Variants in TSPAN18 observed in about 807,000 individuals in gnomAD.
TSPAN18 encodes tetraspanin-18.
Under a neutral mutation model 27.3 loss-of-function variants are expected in TSPAN18, and 14 were observed. The ratio of observed to expected loss-of-function variants is 0.51; its 90% CI spans 0.34 to 0.80. The LOEUF is 0.80. Ranked by LOEUF, TSPAN18 falls within the 30% of genes least tolerant of loss-of-function variation. TSPAN18 has a pLI of 0.01. For synonymous variants in TSPAN18, 143 were observed against 136.5 expected (o/e 1.05, Z -0.33); for missense variants, 268 against 323.9 (o/e 0.83, Z 1.32).
intron 1 of TSPAN18, among the ~76,000 whole-genome samples, chr11:44,754,576 A>G (rs913581865): frequency 6.6e-6 from 1 of 152,202 alleles, no homozygotes; most frequent in South Asian, 2.1e-4. Flanking sequence ...TCTTTGCTCA[A>G]ACAGCCCAAT....
At chr11:44,751,512 C>A (rs1434322295) in intron 1 of TSPAN18, among the ~76,000 whole-genome samples, 2 of 152,122 alleles carry the variant, frequency 1.3e-5, no homozygotes. Context: ...TAGGAAGTGC[C>A]TGATGGAGTC....
chr11:44,894,893 C>T (rs1858988105), intron 3 of TSPAN18, among the ~76,000 whole-genome samples: 1 of 152,190 alleles, frequency 6.6e-6, no homozygotes, highest in African/African-American at 2.4e-5. Context: ...GGATAGGTGT[C>T]GTATCAGGAG....
At chr11:44,833,937 G>C (rs896117740) in intron 2 of TSPAN18, among the ~76,000 whole-genome samples, 5 of 151,748 alleles carry the variant, frequency 3.3e-5, no homozygotes, top group Admixed American at 6.6e-5. Flanking sequence ...TGCCCAAAGA[G>C]AGCCTGCTGG....
At chr11:44,813,334 C>T (rs541544219) in intron 2 of TSPAN18, among the ~76,000 whole-genome samples, 2 of 152,278 alleles carry the variant, frequency 1.3e-5, no homozygotes, top group South Asian at 2.1e-4. Context: ...TGTGTGATCA[C>T]GGCAAGTCAG....
chr11:44,852,937 C>T (rs893300224), intron 2 of TSPAN18, among the ~76,000 whole-genome samples: 6 of 152,200 alleles, frequency 3.9e-5, no homozygotes, highest in Non-Finnish European at 7.3e-5. Flanking sequence ...AAGGCACAGA[C>T]GCATCTAATA....
intron 2 of TSPAN18, among the ~76,000 whole-genome samples, chr11:44,848,528 TTC>T (rs978404279): frequency 6.6e-6 from 1 of 152,154 alleles, no homozygotes; most frequent in African/African-American, 2.4e-5. Flanking sequence ...AAAATTCCCA[TTC>T]TCTGCCTGTT....
chr11:44,815,032 G>T (rs1856792909), intron 2 of TSPAN18, among the ~76,000 whole-genome samples: 1 of 152,154 alleles, frequency 6.6e-6, no homozygotes, highest in South Asian at 2.1e-4. Flanking sequence ...AGAGGAAATG[G>T]CAAGATAGAA....
At chr11:44,781,858 C>T (rs1464750038) in intron 2 of TSPAN18, among the ~76,000 whole-genome samples, 2 of 152,134 alleles carry the variant, frequency 1.3e-5, no homozygotes, top group East Asian at 3.9e-4. Flanking sequence ...TCTGTTCCTT[C>T]CCCAGAGGCA....
intron 2 of TSPAN18, among the ~76,000 whole-genome samples, chr11:44,805,900 G>A (rs898038081): frequency 6.6e-6 from 1 of 152,016 alleles, no homozygotes; most frequent in Non-Finnish European, 1.5e-5. Flanking sequence ...CTCTTAAAAA[G>A]ACACAGTCAT....
intron 5 of TSPAN18, among the ~76,000 whole-genome samples, chr11:44,916,175 G>A (rs923938969): frequency 2.6e-5 from 4 of 152,178 alleles, no homozygotes; most frequent in African/African-American, 4.8e-5. Context: ...TACTCCTCCC[G>A]AGGCGCTCAC....
At chr11:44,862,118 T>G (rs1163704156) in intron 3 of TSPAN18, among the ~76,000 whole-genome samples, 1 of 152,042 alleles carries the variant, frequency 6.6e-6, no homozygotes, top group African/African-American at 2.4e-5. Flanking sequence ...CAGCCTTGCT[T>G]ATCTGAAGCC....
At chr11:44,778,960 C>A (rs981169563) in intron 2 of TSPAN18, among the ~76,000 whole-genome samples, 1 of 152,126 alleles carries the variant, frequency 6.6e-6, no homozygotes, top group African/African-American at 2.4e-5. Context: ...CACCGGGCAT[C>A]CTCCCAGGAT....
intron 2 of TSPAN18, among the ~76,000 whole-genome samples, chr11:44,820,277 T>C (rs1315199034): frequency 1.3e-5 from 2 of 152,234 alleles, no homozygotes; most frequent in Non-Finnish European, 2.9e-5. Context: ...AGCCTCCCTA[T>C]GCAAACCTGA....
chr11:44,869,489 G>C (rs980990938), intron 3 of TSPAN18, among the ~76,000 whole-genome samples: 1 of 152,230 alleles, frequency 6.6e-6, no homozygotes, highest in Non-Finnish European at 1.5e-5. Flanking sequence ...TCTCTCCACA[G>C]TGCATAGAAG....
At chr11:44,746,334 T>C (rs1370976940) in intron 1 of TSPAN18, among the ~76,000 whole-genome samples, 1 of 152,188 alleles carries the variant, frequency 6.6e-6, no homozygotes, top group Non-Finnish European at 1.5e-5. Context: ...AGACGTCTCC[T>C]GGTCATGCTG....
chr11:44,787,536 G>C (rs1856087892), intron 2 of TSPAN18, among the ~76,000 whole-genome samples: 1 of 152,194 alleles, frequency 6.6e-6, no homozygotes, highest in African/African-American at 2.4e-5. Flanking sequence ...AGCAGGCTTA[G>C]AGGGTAAGAG....
At chr11:44,865,381 T>C (rs1235415855) in intron 3 of TSPAN18, among the ~76,000 whole-genome samples, 1 of 152,216 alleles carries the variant, frequency 6.6e-6, no homozygotes, top group East Asian at 1.9e-4. Flanking sequence ...TCTGGGCACG[T>C]GGTAAATGCT....
chr11:44,731,114 G>A (rs1854644114), intron 1 of TSPAN18, among the ~76,000 whole-genome samples: 1 of 152,190 alleles, frequency 6.6e-6, no homozygotes, highest in Non-Finnish European at 1.5e-5. Context: ...TTCACTGGTG[G>A]TGGGCAAGTG....
At chr11:44,818,341 C>T (rs374221881) in intron 2 of TSPAN18, among the ~76,000 whole-genome samples, 316 of 152,330 alleles carry the variant, frequency 2.1e-3, no homozygotes, top group African/African-American at 7.1e-3. Flanking sequence ...GGGCCCTGAC[C>T]CTCACCTTCC....
Sources: allele counts gnomAD v4.1 joint callset (sites outside exome capture counted in the v4.1 genomes callset), GRCh38; gene constraint gnomAD v4.1.1; transcripts MANE v1.5; gene names NCBI Gene and HGNC (gene_info 2026-07-23, HGNC 2026-07-21).